The following PDE10A variants were observed in gnomAD, a reference collection of about 807,000 sequenced individuals.
PDE10A encodes cAMP and cAMP-inhibited cGMP 3',5'-cyclic phosphodiesterase 10A.
A neutral mutation model predicts 97.7 loss-of-function variants in PDE10A; 39 were observed. The observed-to-expected ratio is 0.40, with a 90% CI of 0.31 to 0.52. PDE10A has a LOEUF of 0.52. Ranked by LOEUF, PDE10A falls within the 20% of genes least tolerant of loss-of-function variation. The pLI is 0.56. For synonymous variants in PDE10A, 371 were observed against 376.8 expected (o/e 0.98, Z 0.18); for missense variants, 731 against 1,047.8 (o/e 0.70, Z 4.17).
chr6:165,435,665 T>C (rs753566262), intron 5 of PDE10A, among the ~76,000 whole-genome samples: 1 of 152,068 alleles, frequency 6.6e-6, no homozygotes, highest in Non-Finnish European at 1.5e-5. Flanking sequence ...AATAATGAAA[T>C]GAGACAAAAT....
intron 1 of PDE10A, among the ~76,000 whole-genome samples, chr6:165,759,930 T>G (rs1299149788): frequency 6.6e-6 from 1 of 152,212 alleles, no homozygotes; most frequent in Non-Finnish European, 1.5e-5. Flanking sequence ...TGGTATTATT[T>G]TATGTTTCTT....
Position 165,392,827 on chromosome 6 carries a change from A to G in PDE10A, c.2304-31T>C, listed in dbSNP as rs764302153. 31 of 1,605,920 alleles carry G rather than the reference A, an allele frequency of 1.9e-5. 3 individuals carry two copies. In the South Asian group the frequency reaches 3.2e-4, roughly 17 times the overall value. On this transcript the variant is annotated intron_variant, in intron 15 of 21. Coordinates refer to ENST00000539869, the MANE Select transcript of PDE10A (RefSeq NM_001385079.1). Reference sequence around the variant, plus strand: ...TGGAAAAGAAATTGTTATGACTGAAACCAGTAGAGAATCACTATGTTGTAG... The same window carrying G: ...TGGAAAAGAAATTGTTATGACTGAAGCCAGTAGAGAATCACTATGTTGTAG...
rs553170543 is a variant in PDE10A, at chr6:165,848,964, G to A, written c.-615+138565C>T. ...CTGCTGCCCTGTGACCTCCAGAACT[G>A]TAAGGTGATAACTGTGTCTGTTTGT... On this transcript the variant is annotated intron_variant, in intron 1 of 19. Coordinates refer to the PDE10A transcript ENST00000366882. Among the ~76,000 whole-genome samples, 5 of 152,312 alleles carry A rather than the reference G, an allele frequency of 3.3e-5. No homozygotes were observed. In the South Asian group the frequency reaches 6.2e-4, roughly 19 times the overall value.
At chr6:165,807,240 C>T (rs1779165147) in intron 1 of PDE10A, among the ~76,000 whole-genome samples, 1 of 148,308 alleles carries the variant, frequency 6.7e-6, no homozygotes, top group Admixed American at 6.6e-5. Context: ...CAGATGTGGA[C>T]ACGCCTGCAT....
chr6:165,826,483 A>ACGTCCCTCTGTCCGTGTCCCTCTGTCCG lies in PDE10A; in HGVS notation c.-615+161045_-615+161046insCGGACAGAGGGACACGGACAGAGGGACG, dbSNP rs1583154546. Reference sequence around the variant, plus strand: ...TCTGTCCCCATGTCCACCTGTCCCCACGTCCCTCTGTCCCTGTGTCCCTCT... The same window carrying ACGTCCCTCTGTCCGTGTCCCTCTGTCCG: ...TCTGTCCCCATGTCCACCTGTCCCCACGTCCCTCTGTCCGTGTCCCTCTGTCCGCGTCCCTCTGTCCCTGTGTCCCTCT... On this transcript the variant is annotated intron_variant, in intron 1 of 19. Transcript: ENST00000366882. Among the ~76,000 whole-genome samples, 3 of 111,164 alleles carry ACGTCCCTCTGTCCGTGTCCCTCTGTCCG rather than the reference A, an allele frequency of 2.7e-5. No homozygotes were observed. In the East Asian group the frequency reaches 6.5e-4, roughly 24 times the overall value. The allele number at this position is 111,164 out of a possible 152,430, so 72.9% of individuals were successfully genotyped here.
intron 18 of PDE10A, among the ~76,000 whole-genome samples, chr6:165,351,948 G>A (rs1372542472): frequency 4.6e-5 from 7 of 152,116 alleles, no homozygotes; most frequent in Admixed American, 3.9e-4. Flanking sequence ...CTGCCTCCCA[G>A]GTTCAAGCAA....
chr6:165,966,047 C>T (rs1388717073), intron 1 of PDE10A, among the ~76,000 whole-genome samples: 2 of 152,246 alleles, frequency 1.3e-5, no homozygotes, highest in Non-Finnish European at 2.9e-5. Context: ...CCTCCACACA[C>T]ATCTTCCTTC....
chr6:165,583,342 G>C (rs776128047), intron 1 of PDE10A, among the ~76,000 whole-genome samples: 11 of 152,114 alleles, frequency 7.2e-5, no homozygotes, highest in Non-Finnish European at 1.2e-4. Context: ...CTTCTCCAAA[G>C]TTTACAAGTA....
At chr6:165,554,315 GAA>G (rs1784148966) in intron 1 of PDE10A, among the ~76,000 whole-genome samples, 1 of 151,686 alleles carries the variant, frequency 6.6e-6, no homozygotes, top group African/African-American at 2.4e-5. Context: ...AACTCTACAG[GAA>G]AAAAACCTAA....
At chr6:165,499,071 C>T (rs1386839750) in intron 2 of PDE10A, among the ~76,000 whole-genome samples, 1 of 152,146 alleles carries the variant, frequency 6.6e-6, no homozygotes, top group Non-Finnish European at 1.5e-5. Flanking sequence ...CATTAAAAAA[C>T]ATTCTTAATG....
chr6:165,531,416 C>T (rs1241907212), intron 2 of PDE10A, among the ~76,000 whole-genome samples: 3 of 151,696 alleles, frequency 2.0e-5, no homozygotes, highest in Non-Finnish European at 4.4e-5. Context: ...TCCAGTTCAG[C>T]CATCAGCTTC....
At chr6:165,833,916 C>T (rs1780001998) in intron 1 of PDE10A, among the ~76,000 whole-genome samples, 1 of 152,202 alleles carries the variant, frequency 6.6e-6, no homozygotes, top group African/African-American at 2.4e-5. Context: ...CCAATGTCTT[C>T]CTGCTAAGAT....
At chr6:165,812,142 C>A (rs1023455190) in intron 1 of PDE10A, among the ~76,000 whole-genome samples, 15 of 151,978 alleles carry the variant, frequency 9.9e-5, no homozygotes, top group Admixed American at 3.9e-4. Flanking sequence ...GTGAGCCACC[C>A]ACCTAGCCAA....
At chr6:165,489,220 G>GC (rs1304986990) in intron 2 of PDE10A, among the ~76,000 whole-genome samples, 3 of 152,142 alleles carry the variant, frequency 2.0e-5, no homozygotes, top group Non-Finnish European at 2.9e-5. Flanking sequence ...CTCCACTGGA[G>GC]CAGGTGCTGG....
intron 1 of PDE10A, among the ~76,000 whole-genome samples, chr6:165,899,386 A>G (rs768842102): frequency 7.9e-5 from 12 of 152,192 alleles, no homozygotes; most frequent in Non-Finnish European, 1.6e-4. Context: ...TCACACTAAT[A>G]TTCAGCCATC....
In PDE10A at chr6:165,947,141, A is replaced by C. The variant is rs142464926; in HGVS notation, c.-615+40388T>G. On this transcript the variant is annotated intron_variant, in intron 1 of 19. Coordinates refer to the PDE10A transcript ENST00000366882. ...ACGTGCAGTCATTGATGAAGACCAC[A>C]TTTCATCTTCTGGGCGTGTCTGGGT... 1.6e-3 allele frequency: 250 copies of C among 152,230 alleles called. 2 individuals are homozygous for C. The highest frequency in any genetic ancestry group is 5.9e-3 in the African/African-American group (244 of 41,536). 9.4% of individuals were successfully genotyped at this position (152,230 alleles called of 1,614,324 possible).
intron 1 of PDE10A, among the ~76,000 whole-genome samples, chr6:165,961,456 C>T (rs939130859): frequency 3.9e-5 from 6 of 152,170 alleles, no homozygotes; most frequent in Admixed American, 6.5e-5. Context: ...CATGAGGTGG[C>T]GAATGGCATC....
intron 1 of PDE10A, among the ~76,000 whole-genome samples, chr6:165,927,682 TTTTGTTTG>T (rs57461359): frequency 8.9e-5 from 8 of 90,022 alleles, no homozygotes; most frequent in African/African-American, 2.1e-4. Flanking sequence ...ATATATAGTT[TTTTGTTTG>T]TTTGTTTGTT....
rs186201592 is a variant in PDE10A, at chr6:165,761,447, C to T, written c.-614-217879G>A. On this transcript the variant is annotated intron_variant, in intron 1 of 19. Transcript: ENST00000366882. ...ACATCAGTCCAGCAGCCCCTCCATG[C>T]GGGTCACCCACAAGATGTCTGCTGG... Among the ~76,000 whole-genome samples the T allele has an allele frequency of 3.2e-3, 485 of 152,162 alleles. 12 individuals carry two copies. The East Asian group carries it at 0.056, about 18-fold the overall frequency.
Sources: allele counts gnomAD v4.1 joint callset (sites outside exome capture counted in the v4.1 genomes callset), GRCh38; gene constraint gnomAD v4.1.1; transcripts MANE v1.5; gene names NCBI Gene and HGNC (gene_info 2026-07-23, HGNC 2026-07-21).